The following TSPAN15 variants were observed in gnomAD, a reference collection of about 807,000 sequenced individuals.
TSPAN15 encodes tetraspanin 15.
TSPAN15 carries 20 observed loss-of-function variants against 34.5 expected under a neutral mutation model. The observed-to-expected ratio is 0.58, with a 90% CI of 0.41 to 0.84. TSPAN15 has a LOEUF of 0.84. Among genes scored for constraint, TSPAN15 ranks in the 40% least tolerant of loss-of-function variants. The probability of loss-of-function intolerance (pLI) is 0.00; values close to 1 mark genes in which losing one functional copy is unlikely to be tolerated. For synonymous variants in TSPAN15, 155 were observed against 153.9 expected, an observed-to-expected ratio of 1.01 and a Z score of -0.05; for missense variants, 313 against 386.1, an observed-to-expected ratio of 0.81 and a Z score of 1.59.
the TSPAN15 span, among the ~76,000 whole-genome samples, chr10:69,537,491 C>T: frequency 5.3e-3 from 812 of 152,134 alleles, 12 homozygotes; most frequent in African/African-American, 0.019. Flanking sequence ...ATCAAGGTGT[C>T]GTCAGGGCCA....
At chr10:69,539,501 A>G in the TSPAN15 span, among the ~76,000 whole-genome samples, 1 of 80,086 alleles carries the variant, frequency 1.2e-5, no homozygotes, top group African/African-American at 5.0e-5. Context: ...AAGAAGAAGA[A>G]GAAGAAGAAG....
At chr10:69,545,728 A>G in the TSPAN15 span, among the ~76,000 whole-genome samples, 1 of 152,162 alleles carries the variant, frequency 6.6e-6, no homozygotes, top group African/African-American at 2.4e-5. Context: ...AGGCGGAGGC[A>G]GGCGAATCAC....
At chr10:69,463,275 T>C (rs1841309905) in intron 1 of TSPAN15, among the ~76,000 whole-genome samples, 2 of 152,202 alleles carry the variant, frequency 1.3e-5, no homozygotes, top group African/African-American at 4.8e-5. Context: ...AGGATTATCA[T>C]GTTGGAAAGC....
intron 1 of TSPAN15, among the ~76,000 whole-genome samples, chr10:69,458,362 A>G (rs1462350147): frequency 6.6e-6 from 1 of 152,228 alleles, no homozygotes; most frequent in Non-Finnish European, 1.5e-5. Context: ...GAAAACAGCA[A>G]AAGTCCCCTT....
chr10:69,525,820 C>CA, the TSPAN15 span, among the ~76,000 whole-genome samples: 66,523 of 115,508 alleles, frequency 0.58, 19,261 homozygotes, highest in African/African-American at 0.64. Flanking sequence ...GACTCTGTCT[C>CA]AAAAAAAAAA....
At chr10:69,502,734 C>G (rs1380340936) in intron 5 of TSPAN15, among the ~76,000 whole-genome samples, 1 of 152,150 alleles carries the variant, frequency 6.6e-6, no homozygotes, top group African/African-American at 2.4e-5. Flanking sequence ...TGAGTCCCCC[C>G]TGGGCCTGGA....
intron 1 of TSPAN15, among the ~76,000 whole-genome samples, chr10:69,478,487 G>C (rs939570742): frequency 1.3e-5 from 2 of 152,050 alleles, no homozygotes; most frequent in African/African-American, 4.8e-5. Flanking sequence ...GCTCTGGCAG[G>C]GGGCTCATCC....
chr10:69,511,958 G>A (rs558923416), downstream of TSPAN15, among the ~76,000 whole-genome samples: 2 of 152,142 alleles, frequency 1.3e-5, no homozygotes, highest in Admixed American at 1.3e-4. Context: ...GGGGCTGGGG[G>A]AAGATAGCAT....
intron 1 of TSPAN15, among the ~76,000 whole-genome samples, chr10:69,455,400 A>T (rs1023044124): frequency 9.2e-5 from 14 of 152,110 alleles, no homozygotes; most frequent in African/African-American, 3.4e-4. Context: ...AATTATGGAG[A>T]TCTGCTAGGA....
At chr10:69,517,918 A>G in the TSPAN15 span, among the ~76,000 whole-genome samples, 1 of 152,220 alleles carries the variant, frequency 6.6e-6, no homozygotes, top group South Asian at 2.1e-4. Context: ...AAGGAGAACA[A>G]GAGGGCGAGG....
chr10:69,548,761 A>C, the TSPAN15 span, among the ~76,000 whole-genome samples: 1 of 152,192 alleles, frequency 6.6e-6, no homozygotes, highest in African/African-American at 2.4e-5. Context: ...AATCCAGGGA[A>C]AGGACAATTA....
chr10:69,480,337 A>ATT lies in TSPAN15; in HGVS notation c.97-3345_97-3344dup, dbSNP rs71009227. 6.3e-4 allele frequency among the ~76,000 whole-genome samples: 94 copies of ATT among 150,332 alleles called. 1 individual carries two copies. In the South Asian group the frequency reaches 9.1e-3, roughly 15 times the overall value. ...CCCATCCTGCCAGGGAAGAAGAAGCATTTTTTTTTTACAACAGGGAACACA... is the reference window on the plus strand; with the variant it reads ...CCCATCCTGCCAGGGAAGAAGAAGCATTTTTTTTTTTTACAACAGGGAACACA... On this transcript the variant is annotated intron_variant, in intron 1 of 7. Transcript: ENST00000373290.
chr10:69,464,086 G>C (rs972360847), intron 1 of TSPAN15, among the ~76,000 whole-genome samples: 1 of 152,164 alleles, frequency 6.6e-6, no homozygotes, highest in African/African-American at 2.4e-5. Context: ...CAGACAAACC[G>C]AGCAACTCTG....
chr10:69,519,131 G>A, the TSPAN15 span, among the ~76,000 whole-genome samples: 1 of 152,222 alleles, frequency 6.6e-6, no homozygotes, highest in Non-Finnish European at 1.5e-5. Context: ...ATAGTGATAC[G>A]TAGGGCTGGG....
At chr10:69,496,489 C>T (rs758431767) in intron 4 of TSPAN15, among the ~76,000 whole-genome samples, 3 of 152,068 alleles carry the variant, frequency 2.0e-5, no homozygotes, top group South Asian at 2.1e-4. Context: ...CTTGGGGCGT[C>T]GTCATGAGGA....
chr10:69,474,661 G>A (rs574735196), intron 1 of TSPAN15, among the ~76,000 whole-genome samples: 38 of 152,176 alleles, frequency 2.5e-4, no homozygotes, highest in Admixed American at 7.2e-4. Context: ...CTTTGACACA[G>A]GAATATACCC....
chr10:69,471,267 G>C (rs959105709), intron 1 of TSPAN15, among the ~76,000 whole-genome samples: 1 of 151,706 alleles, frequency 6.6e-6, no homozygotes, highest in African/African-American at 2.4e-5. Context: ...CCTTTCAGGG[G>C]CTCTTGTATC....
chr10:69,516,046 T>C, the TSPAN15 span, among the ~76,000 whole-genome samples: 1 of 152,214 alleles, frequency 6.6e-6, no homozygotes, highest in Non-Finnish European at 1.5e-5. Flanking sequence ...GAAGTTCGGA[T>C]AGATGAGACT....
At chr10:69,477,537 C>T (rs760636555) in intron 1 of TSPAN15, among the ~76,000 whole-genome samples, 2 of 152,094 alleles carry the variant, frequency 1.3e-5, no homozygotes, top group African/African-American at 4.8e-5. Flanking sequence ...TACCTGTGGT[C>T]GAATTTAACT....
Sources: gnomAD v4.1 joint callset for allele counts (sites outside exome capture counted in the v4.1 genomes callset) on GRCh38, gnomAD v4.1.1 for gene constraint, MANE v1.5 for transcripts, NCBI Gene and HGNC (gene_info 2026-07-23, HGNC 2026-07-21) for gene names.